Variants in NPC1 observed in about 807,000 individuals in gnomAD.
NPC1 encodes Niemann-Pick C1 protein.
In NPC1, 85 loss-of-function variants were observed where a neutral mutation model predicts 140.4. The ratio of observed to expected loss-of-function variants is 0.61; its 90% CI spans 0.51 to 0.72. The LOEUF is 0.72. Ranked by LOEUF, NPC1 falls within the 30% of genes least tolerant of loss-of-function variation. The pLI is 0.00. For synonymous variants in NPC1, 656 were observed against 624.8 expected (o/e 1.05, Z -0.74); for missense variants, 1,504 against 1,623.8 (o/e 0.93, Z 1.27).
rs536093947 is a variant in NPC1, at chr18:23,581,299, C to T, written c.57+4988G>A. ...ACTACTGGAAGAGCCACACTGGGGA[C>T]GGAACCAGGCCTTGAATGAGACTGC... On this transcript the variant is annotated intron_variant, in intron 1 of 24. Coordinates refer to ENST00000269228, the MANE Select transcript of NPC1 (RefSeq NM_000271.5). Among the ~76,000 whole-genome samples the T allele has an allele frequency of 5.3e-5, 8 of 152,270 alleles. 1 individual carries two copies. Among genetic ancestry groups the T allele is most frequent in the African/African-American group, 1.9e-4 (8 of 41,558 alleles).
At chr18:23,580,036 A>T (rs2059339255) in intron 1 of NPC1, among the ~76,000 whole-genome samples, 1 of 152,232 alleles carries the variant, frequency 6.6e-6, no homozygotes, top group South Asian at 2.1e-4. Flanking sequence ...GAAATCCTAA[A>T]GCATTAACTA....
chr18:23,573,580 G>A lies in NPC1; in HGVS notation c.58-6C>T, dbSNP rs756180012. 12 of 1,613,960 alleles carry A rather than the reference G, an allele frequency of 7.4e-6. No homozygotes were observed. In the East Asian group the frequency reaches 2.0e-4, roughly 27 times the overall value. ...ACACAGGACTGTGAAAACACCTACA[G>A]AAAGTCAACACAAACTTCAGTGTTA... On this transcript the variant is annotated splice_region_variant and splice_polypyrimidine_tract_variant and intron_variant, in intron 1 of 24. Coordinates refer to ENST00000269228, the MANE Select transcript of NPC1 (RefSeq NM_000271.5).
At chr18:23,550,724 G>A (rs1271995730) in intron 10 of NPC1, among the ~76,000 whole-genome samples, 2 of 151,930 alleles carry the variant, frequency 1.3e-5, no homozygotes, top group African/African-American at 2.4e-5. Context: ...CTGACCTTGT[G>A]ATCCACCCGC....
chr18:23,586,175 AGACCAACTTCCCCAG>A, intron 1 of NPC1, 97 bp downstream of exon 1: 4 of 1,193,422 alleles, frequency 3.4e-6, no homozygotes, highest in Non-Finnish European at 4.6e-6. Context: ...CTCCATCGCC[AGACCAACTTCCCCAG>A]GACCCGGGCC....
At chr18:23,553,224 G>T (rs2058900028) in intron 9 of NPC1, among the ~76,000 whole-genome samples, 1 of 152,188 alleles carries the variant, frequency 6.6e-6, no homozygotes, top group South Asian at 2.1e-4. Context: ...CATTTTTGTT[G>T]ACTTTTATCT....
intron 1 of NPC1, among the ~76,000 whole-genome samples, chr18:23,574,202 T>C (rs560995582): frequency 6.6e-6 from 1 of 152,290 alleles, no homozygotes; most frequent in East Asian, 1.9e-4. Context: ...ATTTCCCATG[T>C]GAGAGTCACA....
chr18:23,516,127 G>A (rs2057997843), intron 3 of NPC1: 10 of 1,420,552 alleles, frequency 7.0e-6, no homozygotes, highest in Admixed American at 3.7e-5. Context: ...CCACTAGAGG[G>A]CACTCTGTAT....
downstream of NPC1, among the ~76,000 whole-genome samples, chr18:23,521,416 C>T (rs1211420808): frequency 6.6e-6 from 1 of 152,188 alleles, no homozygotes; most frequent in Admixed American, 6.5e-5. Flanking sequence ...TTACTGTAAC[C>T]TGGGATCACT....
chr18:23,530,006 CACTTTTT>C, downstream of NPC1: 2 of 1,591,230 alleles, frequency 1.3e-6, no homozygotes, highest in Non-Finnish European at 1.7e-6. Context: ...AGTGTTCTTT[CACTTTTT>C]ACTTTTGTCC....
At chr18:23,527,407 A>G (rs1444562040), downstream of NPC1, among the ~76,000 whole-genome samples, 2 of 151,432 alleles carry the variant, frequency 1.3e-5, no homozygotes, top group African/African-American at 4.9e-5. Flanking sequence ...CCAAAAAAAA[A>G]TAATAATAAT....
chr18:23,528,265 A>C (rs2058367490), downstream of NPC1: 1 of 168,648 alleles, frequency 5.9e-6, no homozygotes, highest in Non-Finnish European at 1.3e-5. Flanking sequence ...TAGAAAATTA[A>C]ATTAGAAATA....
intron 11 of NPC1, among the ~76,000 whole-genome samples, chr18:23,546,078 G>A (rs2058784694): frequency 6.6e-6 from 1 of 151,656 alleles, no homozygotes; most frequent in Non-Finnish European, 1.5e-5. Context: ...GTGAAAGCCC[G>A]TCTCTACTAA....
In NPC1 at chr18:23,544,301, A is replaced by G. The variant is rs1482708150; in HGVS notation, c.2130+43T>C. ...CCCAGGAGCCATTCACAGTCCCTGA[A>G]ACTTGAACAGATGCTGAGCCCTGTG... On this transcript the variant is annotated intron_variant, in intron 13 of 24. Coordinates refer to ENST00000269228, the MANE Select transcript of NPC1 (RefSeq NM_000271.5). 9 of 1,596,216 alleles carry G rather than the reference A, an allele frequency of 5.6e-6. No individual in the cohort carries two copies. The Admixed American group carries it at 8.4e-5, about 15-fold the overall frequency.
intron 4 of NPC1, among the ~76,000 whole-genome samples, chr18:23,563,926 A>G (rs1224521478): frequency 1.4e-5 from 2 of 143,376 alleles, no homozygotes; most frequent in East Asian, 2.0e-4. Context: ...AGAAATGTCT[A>G]CTCTATTCAG....
At chr18:23,509,386 T>C (rs989015836) in intron 3 of NPC1, 43 of 355,400 alleles carry the variant, frequency 1.2e-4, no homozygotes, top group African/African-American at 9.0e-4. Flanking sequence ...AAACATTTTC[T>C]AGAGATGGAG....
intron 3 of NPC1, among the ~76,000 whole-genome samples, chr18:23,514,944 A>G (rs1489887028): frequency 6.6e-6 from 1 of 152,116 alleles, no homozygotes; most frequent in African/African-American, 2.4e-5. Context: ...CGGAATATTT[A>G]GGGTACATTG....
At chr18:23,516,431 CGT>C in intron 3 of NPC1, 1 of 1,612,168 alleles carries the variant, frequency 6.2e-7, no homozygotes, top group Non-Finnish European at 8.5e-7. Flanking sequence ...CATGTATGTC[CGT>C]GTCAGAGAGA....
At position 23,572,106 on chromosome 18, in the gene NPC1, G is replaced by C. The variant is rs2059212616; in HGVS notation, c.255C>G (p.Asp85Glu). 3 of 1,613,754 alleles carry C rather than the reference G, an allele frequency of 1.9e-6. No individual in the cohort carries two copies. The highest frequency in any genetic ancestry group is 2.5e-6 in the Non-Finnish European group (3 of 1,179,846). The change falls in exon 3 of 25, where the codon GAC becomes GAG. Residue 85 changes from aspartate (D) to glutamate (E), a missense_variant. By Grantham distance (45) the Asp-to-Glu change is conservative. Coordinates refer to ENST00000269228, the MANE Select transcript of NPC1 (RefSeq NM_000271.5). ...CDVRQLQTLK[D>E]NLQLPLQFLS... Reference sequence around the variant, plus strand: ...GAAACTGTAGAGGCAGCTGCAGGTTGTCTTTTAGTGTCTGAAGCTGCCGAA... The same window carrying C: ...GAAACTGTAGAGGCAGCTGCAGGTTCTCTTTTAGTGTCTGAAGCTGCCGAA...
chr18:23,581,986 T>C (rs1269773182), intron 1 of NPC1: 2 of 152,218 alleles, frequency 1.3e-5, no homozygotes, highest in African/African-American at 4.8e-5. Flanking sequence ...AGACGGACTT[T>C]TTTTCTTTTT....
Sources: allele counts gnomAD v4.1 joint callset (sites outside exome capture counted in the v4.1 genomes callset), GRCh38; gene constraint gnomAD v4.1.1; transcripts MANE v1.5; gene names NCBI Gene and HGNC (gene_info 2026-07-23, HGNC 2026-07-21).